Variants in ADAMTS18 observed in about 807,000 individuals in gnomAD.
ADAMTS18 encodes ADAM metallopeptidase with thrombospondin type 1 motif 18, also known as A disintegrin and metalloproteinase with thrombospondin motifs 18.
Under a neutral mutation model 165.9 loss-of-function variants are expected in ADAMTS18, and 157 were observed. That is an observed-to-expected ratio of 0.95 (90% CI 0.83 to 1.08). ADAMTS18 has a LOEUF of 1.08. Ranked by LOEUF, ADAMTS18 falls within the 50% of genes least tolerant of loss-of-function variation. The pLI is 0.00. For synonymous variants in ADAMTS18, 782 were observed against 578.2 expected (o/e 1.35, Z -5.06); for missense variants, 2,040 against 1,534.0 (o/e 1.33, Z -5.51).
chr16:77,338,377 T>A (rs1221140433), intron 11 of ADAMTS18, among the ~76,000 whole-genome samples: 3 of 151,956 alleles, frequency 2.0e-5, no homozygotes, highest in South Asian at 2.1e-4. Flanking sequence ...CTGGGATTAC[T>A]GGCGTGCACC....
chr16:77,285,669 T>G (rs2055236107), intron 22 of ADAMTS18, among the ~76,000 whole-genome samples: 1 of 152,150 alleles, frequency 6.6e-6, no homozygotes, highest in African/African-American at 2.4e-5. Flanking sequence ...TATAAGTGCT[T>G]TTTTTGATTA....
At chr16:77,354,862 A>G (rs1423480643) in intron 9 of ADAMTS18, among the ~76,000 whole-genome samples, 3 of 152,248 alleles carry the variant, frequency 2.0e-5, no homozygotes, top group Non-Finnish European at 2.9e-5. Context: ...AATACTTATT[A>G]ATTGCATTCT....
intron 3 of ADAMTS18, among the ~76,000 whole-genome samples, chr16:77,411,977 C>A (rs566306345): frequency 6.6e-6 from 1 of 152,108 alleles, no homozygotes; most frequent in East Asian, 1.9e-4. Context: ...CAGGAGCCAC[C>A]GAGCCCAGCC....
chr16:77,337,324 A>G (rs1462014845), intron 11 of ADAMTS18, among the ~76,000 whole-genome samples: 1 of 152,214 alleles, frequency 6.6e-6, no homozygotes, highest in Non-Finnish European at 1.5e-5. Flanking sequence ...AGCCAATAAC[A>G]GTAACAGCAG....
chr16:77,288,642 T>C lies in ADAMTS18; in HGVS notation c.3550+622A>G, dbSNP rs2055302283. Among the ~76,000 whole-genome samples the C allele has an allele frequency of 2.0e-5, 3 of 152,330 alleles. No homozygotes were observed. In the Middle Eastern group the frequency reaches 0.01, roughly 518 times the overall value. ...TATTACTTTTGATTTCTGAATTTTTTATATCTTCAACAAACATGAACATCT... is the reference window on the plus strand; with the variant it reads ...TATTACTTTTGATTTCTGAATTTTTCATATCTTCAACAAACATGAACATCT... On this transcript the variant is annotated intron_variant, in intron 22 of 22. Transcript: ENST00000282849.
rs376908811 is a variant in ADAMTS18, at chr16:77,385,852, C to T, written c.496-18129G>A. Among the ~76,000 whole-genome samples the T allele has an allele frequency of 7.4e-4, 113 of 152,222 alleles. 1 individual carries two copies. In the South Asian group the frequency reaches 0.019, roughly 26 times the overall value. ...TATCTTTTCCTGCCCCTCCTCACCC[C>T]CTGCCTTGAGGTAAAACAAAGAAAA... On this transcript the variant is annotated intron_variant, in intron 3 of 22. Coordinates refer to ENST00000282849, the MANE Select transcript of ADAMTS18 (RefSeq NM_199355.4).
intron 17 of ADAMTS18, among the ~76,000 whole-genome samples, chr16:77,298,076 C>T (rs978104470): frequency 1.3e-5 from 2 of 151,964 alleles, no homozygotes; most frequent in Non-Finnish European, 2.9e-5. Context: ...AGGTGTGTGA[C>T]ACCATACCCA....
chr16:77,431,258 G>C, intron 3 of ADAMTS18, 37 bp downstream of exon 3: 4 of 1,612,096 alleles, frequency 2.5e-6, no homozygotes, highest in Non-Finnish European at 2.5e-6. Context: ...CACAAAACAC[G>C]AAAGAGGGAG....
intron 17 of ADAMTS18, 58 bp from the exon 18 acceptor site, chr16:77,297,473 T>C (rs1419536000): frequency 3.2e-6 from 5 of 1,539,554 alleles, no homozygotes; most frequent in Non-Finnish European, 4.5e-6. Context: ...TCAATTTGGT[T>C]CTAAGTTTAG....
intron 19 of ADAMTS18, among the ~76,000 whole-genome samples, chr16:77,294,328 G>A (rs576107529): frequency 7.9e-5 from 12 of 152,188 alleles, no homozygotes; most frequent in Non-Finnish European, 1.2e-4. Flanking sequence ...CTAGATGCCA[G>A]GAGCACTCAT....
intron 21 of ADAMTS18, among the ~76,000 whole-genome samples, chr16:77,289,819 G>GAAAA (rs1327350849): frequency 1.3e-5 from 2 of 152,188 alleles, no homozygotes; most frequent in African/African-American, 2.4e-5. Context: ...AACTGGGACA[G>GAAAA]AAAAAGAAAT....
At chr16:77,300,165 G>T in intron 17 of ADAMTS18, 98 bp downstream of exon 17, 1 of 1,410,690 alleles carries the variant, frequency 7.1e-7, no homozygotes, top group Non-Finnish European at 9.9e-7. Context: ...CAGTTCTTGG[G>T]TGGCTTATTT....
intron 11 of ADAMTS18, among the ~76,000 whole-genome samples, chr16:77,338,520 A>T (rs1013808600): frequency 6.6e-6 from 1 of 152,020 alleles, no homozygotes; most frequent in Non-Finnish European, 1.5e-5. Flanking sequence ...TACAGGCATG[A>T]GCCACCACGT....
rs1288386531 is a variant in ADAMTS18 at position 77,283,733 on chromosome 16, G to C, written c.*223C>G. The stretch of plus-strand genomic sequence containing the variant: ...AAAGATTTTTTTTAAAGTCAGATTT[G>C]TCATCGCTTCCCATTTTCAAGTGCT... On this transcript the variant is annotated 3_prime_UTR_variant, in exon 23 of 23. Transcript: ENST00000282849. 1.8e-6 allele frequency: 1 copy of C among 541,278 alleles called. No individual in the cohort carries two copies. The highest frequency in any genetic ancestry group is 3.2e-5 in the East Asian group (1 of 30,980). The allele number at this position is 541,278 out of a possible 1,614,324, so 33.5% of individuals were successfully genotyped here.
chr16:77,329,051 C>G (rs141753619), intron 12 of ADAMTS18, among the ~76,000 whole-genome samples: 1 of 152,048 alleles, frequency 6.6e-6, no homozygotes, highest in East Asian at 1.9e-4. Context: ...AAAGAATAGA[C>G]AGTAAGGTGC....
intron 3 of ADAMTS18, among the ~76,000 whole-genome samples, chr16:77,405,198 G>C (rs1366450197): frequency 1.3e-5 from 2 of 152,188 alleles, no homozygotes; most frequent in South Asian, 2.1e-4. Flanking sequence ...TGACAGCTAA[G>C]TGGATCCAAA....
intron 3 of ADAMTS18, among the ~76,000 whole-genome samples, chr16:77,394,364 G>C (rs1597218953): frequency 6.6e-6 from 1 of 152,256 alleles, no homozygotes; most frequent in Non-Finnish European, 1.5e-5. Flanking sequence ...TCCTCTCCGA[G>C]CTTCAGGGAT....
At position 77,380,939 on chromosome 16, in the gene ADAMTS18, T is replaced by C. The variant is rs758618032; in HGVS notation, c.496-13216A>G. ...CCCATGCTGGAGTACAGTGACACGA[T>C]ATCAGCTCACTGCAACCTCCACTTC... On this transcript the variant is annotated intron_variant, in intron 3 of 22. Coordinates refer to ENST00000282849, the MANE Select transcript of ADAMTS18 (RefSeq NM_199355.4). 3.3e-5 allele frequency among the ~76,000 whole-genome samples: 5 copies of C among 152,302 alleles called. 1 individual carries two copies. Among genetic ancestry groups the C allele is most frequent in the Middle Eastern group, 6.8e-3 (2 of 294 alleles).
chr16:77,295,149 T>A, intron 18 of ADAMTS18, 22 bp from the exon 19 acceptor site: 1 of 1,613,656 alleles, frequency 6.2e-7, no homozygotes, highest in African/African-American at 1.3e-5. Flanking sequence ...AAACAAACAT[T>A]ACCAATGAAG....
Sources: allele counts gnomAD v4.1 joint callset (sites outside exome capture counted in the v4.1 genomes callset), GRCh38; gene constraint gnomAD v4.1.1; transcripts MANE v1.5; gene names NCBI Gene and HGNC (gene_info 2026-07-23, HGNC 2026-07-21).